The following NRXN1 variants were observed in gnomAD, a reference collection of about 807,000 sequenced individuals.
NRXN1 encodes the protein neurexin-1.
NRXN1 carries 39 observed loss-of-function variants against 150.9 expected under a neutral mutation model. The observed-to-expected ratio is 0.26, with a 90% CI of 0.20 to 0.34. NRXN1 has a LOEUF of 0.34. Ranked by LOEUF, NRXN1 falls within the 10% of genes least tolerant of loss-of-function variation. NRXN1 has a pLI of 1.00. For missense variants in NRXN1, 1,815 were observed against 1,949.9 expected (o/e 0.93, Z 1.30); for synonymous variants, 924 against 757.0 (o/e 1.22, Z -3.62).
intron 17 of NRXN1, among the ~76,000 whole-genome samples, chr2:50,300,257 C>T (rs1489648343): frequency 6.6e-6 from 1 of 152,162 alleles, no homozygotes; most frequent in African/African-American, 2.4e-5. Flanking sequence ...TGGGTAAGAC[C>T]ACCCTGATCC....
intron 21 of NRXN1, among the ~76,000 whole-genome samples, chr2:49,973,267 T>G (rs1430108898): frequency 6.6e-6 from 1 of 152,214 alleles, no homozygotes; most frequent in African/African-American, 2.4e-5. Flanking sequence ...ATTTCAGAAA[T>G]AAACACTTTC....
At chr2:50,401,660 C>T (rs970268564) in intron 17 of NRXN1, among the ~76,000 whole-genome samples, 3 of 151,970 alleles carry the variant, frequency 2.0e-5, no homozygotes, top group Non-Finnish European at 2.9e-5. Context: ...AAAGGCAAGG[C>T]AGAGAAAAGG....
intron 19 of NRXN1, among the ~76,000 whole-genome samples, chr2:50,062,218 A>G (rs1694652562): frequency 6.6e-6 from 1 of 152,172 alleles, no homozygotes; most frequent in South Asian, 2.1e-4. Context: ...CTAATTCCAA[A>G]TATGATAGTG....
At chr2:50,344,350 G>C (rs2077769870) in intron 17 of NRXN1, among the ~76,000 whole-genome samples, 1 of 151,882 alleles carries the variant, frequency 6.6e-6, no homozygotes, top group Admixed American at 6.6e-5. Flanking sequence ...TATTTGGCAG[G>C]GGTTGGTTAC....
At chr2:50,533,548 C>T (rs2093173580) in intron 10 of NRXN1, among the ~76,000 whole-genome samples, 1 of 152,164 alleles carries the variant, frequency 6.6e-6, no homozygotes, top group Admixed American at 6.6e-5. Context: ...AATCCACATT[C>T]TGAATTGATT....
chr2:50,787,477 G>A (rs563532354), intron 5 of NRXN1, among the ~76,000 whole-genome samples: 2 of 151,580 alleles, frequency 1.3e-5, no homozygotes, highest in East Asian at 1.9e-4. Context: ...CAGGAGAATC[G>A]CTTGAACCCA....
intron 8 of NRXN1, among the ~76,000 whole-genome samples, chr2:50,591,381 C>T (rs961513532): frequency 7.4e-6 from 1 of 134,722 alleles, no homozygotes; most frequent in Non-Finnish European, 1.6e-5. Context: ...CACTATATAT[C>T]AGATAGATAG....
intron 5 of NRXN1, among the ~76,000 whole-genome samples, chr2:50,913,335 G>A (rs1213159285): frequency 6.6e-6 from 1 of 151,692 alleles, no homozygotes; most frequent in Admixed American, 6.6e-5. Context: ...CCCTCTAGCA[G>A]CAGTTTAGCC....
chr2:50,613,355 G>A (rs1425916752), intron 8 of NRXN1, among the ~76,000 whole-genome samples: 1 of 152,150 alleles, frequency 6.6e-6, no homozygotes, highest in African/African-American at 2.4e-5. Flanking sequence ...AGAACAGTCA[G>A]AGCACTTAGC....
intron 8 of NRXN1, among the ~76,000 whole-genome samples, chr2:50,605,806 A>T (rs1287699521): frequency 6.6e-6 from 1 of 152,160 alleles, no homozygotes; most frequent in Admixed American, 6.5e-5. Flanking sequence ...CAGCCAAAAA[A>T]AAAATGAAGT....
At chr2:50,365,298 A>G (rs951456930) in intron 17 of NRXN1, among the ~76,000 whole-genome samples, 5 of 152,076 alleles carry the variant, frequency 3.3e-5, no homozygotes, top group Admixed American at 1.3e-4. Flanking sequence ...TTTGTAGCAG[A>G]AAACTACTCT....
intron 5 of NRXN1, among the ~76,000 whole-genome samples, chr2:50,903,007 A>G (rs1190811438): frequency 2.6e-5 from 4 of 152,212 alleles, no homozygotes; most frequent in Non-Finnish European, 5.9e-5. Context: ...ATTTATGAAT[A>G]AAAGATGAAG....
chr2:50,309,330 T>C (rs2074964055), intron 17 of NRXN1, among the ~76,000 whole-genome samples: 1 of 152,180 alleles, frequency 6.6e-6, no homozygotes, highest in South Asian at 2.1e-4. Flanking sequence ...TCTAACTTGA[T>C]GAAAAATCAG....
intron 5 of NRXN1, among the ~76,000 whole-genome samples, chr2:50,743,843 C>T (rs1447524845): frequency 6.6e-6 from 1 of 152,120 alleles, no homozygotes; most frequent in East Asian, 1.9e-4. Context: ...AATTTGATCA[C>T]ACATTTCTGA....
chr2:49,968,374 C>A (rs1677323984), intron 21 of NRXN1, among the ~76,000 whole-genome samples: 1 of 151,952 alleles, frequency 6.6e-6, no homozygotes, highest in African/African-American at 2.4e-5. Context: ...GACTTTTAAA[C>A]AAAAAGTTGC....
chr2:50,895,278 G>C (rs1305959244), intron 5 of NRXN1, among the ~76,000 whole-genome samples: 2 of 152,044 alleles, frequency 1.3e-5, no homozygotes, highest in African/African-American at 4.8e-5. Context: ...CCAATAAAAA[G>C]GTGATTTAAA....
chr2:50,236,657 T>C (rs2065465309), intron 18 of NRXN1, 132 bp downstream of exon 18: 3 of 788,008 alleles, frequency 3.8e-6, no homozygotes, highest in South Asian at 3.0e-5. Context: ...TTCCTCTAGA[T>C]TGTATTCATA....
chr2:50,871,315 G>A (rs1375602167), intron 5 of NRXN1, among the ~76,000 whole-genome samples: 1 of 151,608 alleles, frequency 6.6e-6, no homozygotes, highest in East Asian at 2.0e-4. Flanking sequence ...AAAGCTAAAT[G>A]TTTTTTCTAA....
At chr2:50,045,175 CAACAACAACA>C (rs1691619780) in intron 21 of NRXN1, among the ~76,000 whole-genome samples, 1 of 151,900 alleles carries the variant, frequency 6.6e-6, no homozygotes, top group Admixed American at 6.6e-5. Context: ...ACAACAACAA[CAACAACAACA>C]AAACTAACAT....
Sources: allele counts gnomAD v4.1 joint callset (sites outside exome capture counted in the v4.1 genomes callset), GRCh38; gene constraint gnomAD v4.1.1; transcripts MANE v1.5; gene names NCBI Gene and HGNC (gene_info 2026-07-23, HGNC 2026-07-21).